The following LRRC4C variants were observed in gnomAD, a reference collection of about 807,000 sequenced individuals.
LRRC4C encodes leucine rich repeat containing 4C, also known as leucine-rich repeat-containing protein 4C.
LRRC4C carries 5 observed loss-of-function variants against 33.6 expected under a neutral mutation model. The ratio of observed to expected loss-of-function variants is 0.15; its 90% CI spans 0.08 to 0.31. The LOEUF (loss-of-function observed/expected upper bound fraction) is 0.31, where lower values mean the gene tolerates loss of function less well. Among genes scored for constraint, LRRC4C ranks in the 10% least tolerant of loss-of-function variants. LRRC4C has a pLI of 1.00. For missense variants in LRRC4C, 560 were observed against 796.7 expected (o/e 0.70, Z 3.58); for synonymous variants, 329 against 302.0 (o/e 1.09, Z -0.93).
intron 4 of LRRC4C, among the ~76,000 whole-genome samples, chr11:40,288,898 GAC>G (rs1944014765): frequency 6.6e-6 from 1 of 152,092 alleles, no homozygotes; most frequent in South Asian, 2.1e-4. Flanking sequence ...TGGCTAAAAT[GAC>G]ACACTTAAAA....
rs142252881 is a variant in LRRC4C at position 41,043,398 on chromosome 11, A to G, written c.-495-109675T>C. On this transcript the variant is annotated intron_variant, in intron 1 of 6. Coordinates refer to ENST00000528697, the MANE Select transcript of LRRC4C (RefSeq NM_001258419.2). ...CTAAGGCTACAAATTTAAAACTTAAATGAAACTTTACTTAAGGTTTTATTA... is the reference window on the plus strand; with the variant it reads ...CTAAGGCTACAAATTTAAAACTTAAGTGAAACTTTACTTAAGGTTTTATTA... Among the ~76,000 whole-genome samples the G allele has an allele frequency of 3.8e-3, 586 of 152,254 alleles. 4 individuals are homozygous for G. Among genetic ancestry groups the G allele is most frequent in the African/African-American group, 0.013 (557 of 41,544 alleles).
Position 40,238,247 on chromosome 11 carries a change from A to G in LRRC4C, c.-96+3272T>C, listed in dbSNP as rs556782329. 5.3e-5 allele frequency among the ~76,000 whole-genome samples: 8 copies of G among 152,326 alleles called. No homozygotes were observed. The South Asian group carries it at 1.7e-3, about 32-fold the overall frequency. On this transcript the variant is annotated intron_variant, in intron 5 of 6. Transcript: ENST00000528697. ...AGTAAAAACAAATACCCCACACTGT[A>G]ATTCCTCAACAGAGCCCTGCTCTAG...
intron 3 of LRRC4C, among the ~76,000 whole-genome samples, chr11:40,494,525 T>C (rs1954327773): frequency 6.6e-6 from 1 of 152,174 alleles, no homozygotes; most frequent in Non-Finnish European, 1.5e-5. Flanking sequence ...AATTATCTCA[T>C]TTATGCAATG....
intron 5 of LRRC4C, among the ~76,000 whole-genome samples, chr11:40,181,239 C>T (rs145151300): frequency 6.6e-6 from 1 of 152,230 alleles, no homozygotes; most frequent in East Asian, 1.9e-4. Flanking sequence ...TCTTCTTCCT[C>T]TCCCATTTGA....
chr11:40,570,163 C>T (rs1044914616), intron 3 of LRRC4C, among the ~76,000 whole-genome samples: 2 of 151,820 alleles, frequency 1.3e-5, no homozygotes, highest in South Asian at 2.1e-4. Context: ...AAAACATGTA[C>T]CAAAATAGTA....
intron 5 of LRRC4C, among the ~76,000 whole-genome samples, chr11:40,237,620 C>T (rs1865655559): frequency 6.6e-6 from 1 of 152,098 alleles, no homozygotes; most frequent in South Asian, 2.1e-4. Flanking sequence ...ATTCTGCCAC[C>T]CTTCATTCTA....
At position 40,368,489 on chromosome 11, in the gene LRRC4C, C is replaced by G. The variant is rs566378625; in HGVS notation, c.-269-48768G>C. Reference sequence around the variant, plus strand: ...ACATTTTTACAAGTGTTTATTCAACCAATGTCTTTATTCCCACTAGACAGT... The same window carrying G: ...ACATTTTTACAAGTGTTTATTCAACGAATGTCTTTATTCCCACTAGACAGT... On this transcript the variant is annotated intron_variant, in intron 3 of 6. Transcript: ENST00000528697. Among the ~76,000 whole-genome samples, 11 of 152,174 alleles carry G rather than the reference C, an allele frequency of 7.2e-5. No individual in the cohort carries two copies. In the South Asian group the frequency reaches 2.3e-3, roughly 32 times the overall value.
intron 1 of LRRC4C, among the ~76,000 whole-genome samples, chr11:41,112,438 G>A (rs530598615): frequency 6.6e-6 from 1 of 152,148 alleles, no homozygotes; most frequent in East Asian, 1.9e-4. Context: ...AGGCAGCATG[G>A]GGTTGTTTGC....
At chr11:40,569,307 T>C (rs892321141) in intron 3 of LRRC4C, among the ~76,000 whole-genome samples, 1 of 152,144 alleles carries the variant, frequency 6.6e-6, no homozygotes, top group South Asian at 2.1e-4. Context: ...TTATTTGAGA[T>C]GAAGTTTCTC....
At chr11:41,025,110 C>T (rs1429419986) in intron 1 of LRRC4C, among the ~76,000 whole-genome samples, 1 of 151,438 alleles carries the variant, frequency 6.6e-6, no homozygotes, top group Non-Finnish European at 1.5e-5. Flanking sequence ...CCTCTCTATT[C>T]CCTGAGACAA....
At chr11:41,214,621 G>A (rs1171648081) in intron 1 of LRRC4C, among the ~76,000 whole-genome samples, 1 of 145,246 alleles carries the variant, frequency 6.9e-6, no homozygotes, top group Non-Finnish European at 1.5e-5. Flanking sequence ...GTGGTGGCGG[G>A]CGCCTGTAGT....
intron 3 of LRRC4C, among the ~76,000 whole-genome samples, chr11:40,582,653 A>T (rs1053842901): frequency 6.6e-6 from 1 of 151,242 alleles, no homozygotes; most frequent in African/African-American, 2.4e-5. Context: ...AGGAGCTGGG[A>T]TTACAGGTAC....
chr11:40,414,510 A>G (rs1950257291), intron 3 of LRRC4C, among the ~76,000 whole-genome samples: 1 of 152,136 alleles, frequency 6.6e-6, no homozygotes. Flanking sequence ...ATTATAGGGC[A>G]GCAGTAACTG....
chr11:40,970,115 C>T (rs538542968), intron 1 of LRRC4C, among the ~76,000 whole-genome samples: 10 of 152,238 alleles, frequency 6.6e-5, no homozygotes, highest in African/African-American at 2.2e-4. Flanking sequence ...TGACTCTAGA[C>T]GTGTGAATGA....
At chr11:41,428,045 G>A (rs771662559) in intron 1 of LRRC4C, among the ~76,000 whole-genome samples, 7 of 151,994 alleles carry the variant, frequency 4.6e-5, no homozygotes, top group Non-Finnish European at 8.8e-5. Flanking sequence ...GACTCAGCCC[G>A]CCTGCACCCA....
chr11:40,404,542 G>A (rs16934802), intron 3 of LRRC4C, among the ~76,000 whole-genome samples: 50,699 of 151,710 alleles, frequency 0.33, 9,380 homozygotes, highest in East Asian at 0.42. Flanking sequence ...CAAGTGAAGC[G>A]CTCCTCTTGT....
At chr11:40,615,682 G>A (rs945824220) in intron 3 of LRRC4C, among the ~76,000 whole-genome samples, 2 of 151,654 alleles carry the variant, frequency 1.3e-5, no homozygotes, top group South Asian at 4.1e-4. Context: ...ATTAAAATTC[G>A]CTTTAATTGG....
chr11:40,488,736 G>C (rs960301208), intron 3 of LRRC4C, among the ~76,000 whole-genome samples: 1 of 151,992 alleles, frequency 6.6e-6, no homozygotes, highest in African/African-American at 2.4e-5. Context: ...TTTTGGACTT[G>C]ACACATCCTG....
chr11:40,708,606 A>G (rs1946296740), intron 2 of LRRC4C, among the ~76,000 whole-genome samples: 1 of 152,102 alleles, frequency 6.6e-6, no homozygotes, highest in African/African-American at 2.4e-5. Flanking sequence ...GTTCTTTTAC[A>G]TTTGCTGATG....
Sources: allele counts gnomAD v4.1 joint callset (sites outside exome capture counted in the v4.1 genomes callset), GRCh38; gene constraint gnomAD v4.1.1; transcripts MANE v1.5; gene names NCBI Gene and HGNC (gene_info 2026-07-23, HGNC 2026-07-21).